The following KLF8 variants were observed in gnomAD, a reference collection of about 807,000 sequenced individuals.
KLF8 encodes the protein KLF transcription factor 8.
A neutral mutation model predicts 18.2 loss-of-function variants in KLF8; 10 were observed. The ratio of observed to expected loss-of-function variants is 0.55; its 90% CI spans 0.34 to 0.93. The LOEUF is 0.93. Among genes scored for constraint, KLF8 ranks in the 40% least tolerant of loss-of-function variants. KLF8 has a pLI of 0.02. For synonymous variants in KLF8, 109 were observed against 97.3 expected, an observed-to-expected ratio of 1.12 and a Z score of -0.71; for missense variants, 264 against 277.9, an observed-to-expected ratio of 0.95 and a Z score of 0.36.
the KLF8 span, among the ~76,000 whole-genome samples, chrX:56,007,875 A>G: frequency 5.4e-5 from 6 of 111,058 alleles, no homozygotes; most frequent in South Asian, 3.8e-4. Flanking sequence ...TGATGGGATG[A>G]TTTGTTCAGC....
chrX:56,150,747 T>G, the KLF8 span, among the ~76,000 whole-genome samples: 2 of 111,309 alleles, frequency 1.8e-5, no homozygotes, highest in Non-Finnish European at 3.8e-5. Context: ...CAAAAATACC[T>G]GTTTCATCCA....
At chrX:55,968,185 A>G in the KLF8 span, among the ~76,000 whole-genome samples, 1 of 111,329 alleles carries the variant, frequency 9.0e-6, no homozygotes, top group Non-Finnish European at 1.9e-5. Flanking sequence ...GAAGGAAAAA[A>G]GGAATTGAAG....
chrX:56,227,892 C>CACAT (rs1273982900), upstream of KLF8, among the ~76,000 whole-genome samples: 1 of 108,478 alleles, frequency 9.2e-6, no homozygotes, highest in African/African-American at 3.4e-5. Context: ...CACACACACA[C>CACAT]ACACACACAC....
chrX:55,930,415 A>G, the KLF8 span, among the ~76,000 whole-genome samples: 2 of 111,664 alleles, frequency 1.8e-5, no homozygotes, highest in South Asian at 3.8e-4. Context: ...AACTTCCAAT[A>G]CTATGTTGAA....
At chrX:55,912,161 C>G in the KLF8 span, among the ~76,000 whole-genome samples, 50 of 111,614 alleles carry the variant, frequency 4.5e-4, no homozygotes, top group Admixed American at 1.2e-3. Context: ...GGCCCTACCC[C>G]AGACATACTG....
chrX:56,171,246 A>C, the KLF8 span, among the ~76,000 whole-genome samples: 1 of 112,298 alleles, frequency 8.9e-6, no homozygotes, highest in Non-Finnish European at 1.9e-5. Flanking sequence ...AAAGATATAA[A>C]TAGAAACAAC....
chrX:56,052,452 G>A, the KLF8 span, among the ~76,000 whole-genome samples: 1 of 111,663 alleles, frequency 9.0e-6, no homozygotes, highest in African/African-American at 3.3e-5. Flanking sequence ...TTTTTGGTGT[G>A]GATGTCCTTT....
At chrX:56,052,408 T>C in the KLF8 span, among the ~76,000 whole-genome samples, 1 of 111,993 alleles carries the variant, frequency 8.9e-6, no homozygotes, top group Non-Finnish European at 1.9e-5. Flanking sequence ...TTTTATCTAC[T>C]TTTGGTCTTT....
At chrX:56,129,304 G>A in the KLF8 span, among the ~76,000 whole-genome samples, 1 of 111,694 alleles carries the variant, frequency 9.0e-6, no homozygotes, top group African/African-American at 3.3e-5. Flanking sequence ...GAAGGAAGAG[G>A]ATTACTCCTG....
At chrX:56,049,501 T>G in the KLF8 span, among the ~76,000 whole-genome samples, 1 of 109,059 alleles carries the variant, frequency 9.2e-6, no homozygotes, top group South Asian at 4.1e-4. Context: ...TGTCAAAGGC[T>G]TTTTCTGCAT....
chrX:55,985,384 C>T, the KLF8 span, among the ~76,000 whole-genome samples: 173 of 111,912 alleles, frequency 1.5e-3, no homozygotes, highest in Non-Finnish European at 2.9e-3. Flanking sequence ...AATAGGGTGT[C>T]TTTAACCCAT....
At chrX:55,930,869 G>C in the KLF8 span, among the ~76,000 whole-genome samples, 29 of 111,815 alleles carry the variant, frequency 2.6e-4, no homozygotes, top group African/African-American at 9.1e-4. Flanking sequence ...TCTCTGCCAG[G>C]TTTTGGTATC....
At chrX:56,177,719 G>A in the KLF8 span, among the ~76,000 whole-genome samples, 3 of 111,595 alleles carry the variant, frequency 2.7e-5, no homozygotes, top group Non-Finnish European at 5.7e-5. Context: ...ACAGAGGCAG[G>A]CAGGCCTCCT....
intron 2 of KLF8, among the ~76,000 whole-genome samples, chrX:56,252,323 A>G (rs1243597911): frequency 2.7e-5 from 3 of 111,286 alleles, no homozygotes; most frequent in East Asian, 2.8e-4. Context: ...ACAATTTCTA[A>G]CTATTTTTTC....
chrX:56,285,712 A>C lies in KLF8; in HGVS notation c.*1218A>C, dbSNP rs1016099729. On this transcript the variant is annotated 3_prime_UTR_variant, in exon 6 of 6. Coordinates refer to ENST00000468660, the MANE Select transcript of KLF8 (RefSeq NM_007250.5). Reference sequence around the variant, plus strand: ...AAACCTAAGCCATTTATTTTAGCTGATAGCAGATTGCATAATATACTCATT... The same window carrying C: ...AAACCTAAGCCATTTATTTTAGCTGCTAGCAGATTGCATAATATACTCATT... The C allele has an allele frequency of 1.8e-5, 2 of 111,851 alleles. No individual in the cohort carries two copies. Among genetic ancestry groups the C allele is most frequent in the African/African-American group, 6.5e-5 (2 of 30,763 alleles). The allele number at this position is 111,851 out of a possible 1,213,427, so 9.2% of individuals were successfully genotyped here. A position where few individuals can be genotyped will look rare whatever the true frequency, so the allele number is the denominator to read the frequency against.
the KLF8 span, among the ~76,000 whole-genome samples, chrX:56,092,395 G>C: frequency 9.0e-6 from 1 of 111,418 alleles, no homozygotes; most frequent in Non-Finnish European, 1.9e-5. Context: ...GTCCAGGACA[G>C]TTTTCTTTAT....
the KLF8 span, chrX:55,961,397 G>A: frequency 2.0e-6 from 1 of 500,652 alleles, no homozygotes; most frequent in Admixed American, 2.3e-5. Context: ...CTGGGAGTTT[G>A]TGTCTACTGG....
chrX:56,114,422 G>T, the KLF8 span, among the ~76,000 whole-genome samples: 1 of 112,758 alleles, frequency 8.9e-6, no homozygotes, highest in African/African-American at 3.2e-5. Flanking sequence ...AATATCTTGC[G>T]CAAGTGCTTG....
the KLF8 span, among the ~76,000 whole-genome samples, chrX:56,186,164 T>C: frequency 9.0e-6 from 1 of 111,084 alleles, no homozygotes; most frequent in African/African-American, 3.3e-5. Context: ...AGGCTCAAAA[T>C]AAAAGGATGG....
Sources: allele counts gnomAD v4.1 joint callset (sites outside exome capture counted in the v4.1 genomes callset), GRCh38; gene constraint gnomAD v4.1.1; transcripts MANE v1.5; gene names NCBI Gene and HGNC (gene_info 2026-07-23, HGNC 2026-07-21).